TTC34: variants seen among roughly 807,000 people sequenced by gnomAD.
TTC34 encodes tetratricopeptide repeat domain 34.
A neutral mutation model predicts 40.7 loss-of-function variants in TTC34; 44 were observed. That is an observed-to-expected ratio of 1.08 (90% CI 0.85 to 1.39). TTC34 has a LOEUF of 1.39. TTC34 is among the 40% of genes most tolerant of loss of function. The probability of loss-of-function intolerance (pLI) is 0.00; values close to 1 mark genes in which losing one functional copy is unlikely to be tolerated. For missense variants in TTC34, 884 were observed against 838.0 expected, an observed-to-expected ratio of 1.05 and a Z score of -0.68; for synonymous variants, 422 against 398.6, an observed-to-expected ratio of 1.06 and a Z score of -0.70.
chr1:2,695,703 A>G (rs1395896778), intron 6 of TTC34, among the ~76,000 whole-genome samples: 19 of 135,764 alleles, frequency 1.4e-4, no homozygotes, highest in Non-Finnish European at 1.9e-4. Flanking sequence ...ACAGCCTGGA[A>G]CAGCACCCAC....
At chr1:2,800,270 C>A in exon 2 of TTC34, 1 of 398,634 alleles carries the variant, frequency 2.5e-6, no homozygotes, top group East Asian at 3.6e-5. Context: ...CACTGAGCAG[C>A]GCGGGGAGGT....
chr1:2,749,764 C>T (rs1227481760), intron 6 of TTC34, among the ~76,000 whole-genome samples: 2 of 71,804 alleles, frequency 2.8e-5, no homozygotes, highest in Non-Finnish European at 5.3e-5. Flanking sequence ...AGCTCCCACA[C>T]CCCCAGGCGA....
intron 6 of TTC34, among the ~76,000 whole-genome samples, chr1:2,685,743 G>A (rs1212119708): frequency 5.5e-5 from 8 of 146,782 alleles, no homozygotes; most frequent in Admixed American, 2.0e-4. Flanking sequence ...CTGATGGTCT[G>A]GAGCAGAACC....
Position 2,645,635 on chromosome 1 carries a change from A to G in TTC34, c.2227-72T>C, listed in dbSNP as rs1394105735. On this transcript the variant is annotated intron_variant, in intron 6 of 8. Transcript: ENST00000401095. The surrounding 1 kb of genome is among the most constrained non-coding windows in gnomAD (Gnocchi z 4.7). Reference sequence around the variant, plus strand: ...AAACTGGGCAGAGGGTCAGAGTAGGAGGACTGGCTCTGTCTTTCTCATTCC... The same window carrying G: ...AAACTGGGCAGAGGGTCAGAGTAGGGGGACTGGCTCTGTCTTTCTCATTCC... 73 of 1,386,970 alleles carry G rather than the reference A, an allele frequency of 5.3e-5. No homozygotes were observed. The highest frequency in any genetic ancestry group is 1.9e-6 in the Non-Finnish European group (2 of 1,061,254). The allele number at this position is 1,386,970 out of a possible 1,614,324, so 85.9% of individuals were successfully genotyped here. A position where few individuals can be genotyped will look rare whatever the true frequency, so the allele number is the denominator to read the frequency against.
At chr1:2,648,003 C>T (rs1459654333) in intron 6 of TTC34, among the ~76,000 whole-genome samples, 1 of 141,060 alleles carries the variant, frequency 7.1e-6, no homozygotes, top group Non-Finnish European at 1.6e-5. Flanking sequence ...TTGATTATTA[C>T]TGTTTTTTTT....
chr1:2,687,394 C>G (rs1483199891), intron 6 of TTC34, among the ~76,000 whole-genome samples: 4 of 145,440 alleles, frequency 2.8e-5, no homozygotes, highest in Admixed American at 2.1e-4. Flanking sequence ...CAGCCTGGAA[C>G]GGCACCCACA....
At chr1:2,795,979 G>T (rs1036111777) in intron 2 of TTC34, among the ~76,000 whole-genome samples, 2 of 152,202 alleles carry the variant, frequency 1.3e-5, no homozygotes, top group Non-Finnish European at 2.9e-5. Flanking sequence ...TAATGGTATT[G>T]ACAGGTCAGA....
At chr1:2,648,443 C>T (rs1639061968) in intron 6 of TTC34, among the ~76,000 whole-genome samples, 1 of 152,184 alleles carries the variant, frequency 6.6e-6, no homozygotes, top group Non-Finnish European at 1.5e-5. Flanking sequence ...ACTGAATGCC[C>T]AAGATGTTCA....
At position 2,799,159 on chromosome 1, in the gene TTC34, C is replaced by G. The variant is rs181857656; in HGVS notation, c.784+885G>C. Among the ~76,000 whole-genome samples, 257 of 152,072 alleles carry G rather than the reference C, an allele frequency of 1.7e-3. 1 individual carries two copies. The highest frequency in any genetic ancestry group is 5.8e-3 in the African/African-American group (242 of 41,432). On this transcript the variant is annotated intron_variant, in intron 2 of 8. Coordinates refer to ENST00000401095, the Ensembl canonical transcript of TTC34. ...CCTCCCAGCCTCCTAGCCTCCCGGC[C>G]CCCCAGCCTCCCAGCCTCCCAGCAG...
chr1:2,781,987 T>C (rs1030436976), intron 6 of TTC34, among the ~76,000 whole-genome samples: 1 of 152,226 alleles, frequency 6.6e-6, no homozygotes, highest in Non-Finnish European at 1.5e-5. Flanking sequence ...GTAGTGTCTT[T>C]GGCTATGGTA....
intron 6 of TTC34, among the ~76,000 whole-genome samples, chr1:2,687,056 A>G (rs1304475471): frequency 8.2e-4 from 118 of 143,670 alleles, no homozygotes; most frequent in Admixed American, 1.4e-3. Flanking sequence ...CCAGGCGTGC[A>G]TCCGACAGCC....
chr1:2,641,164 G>C, exon 9 of TTC34: 1 of 421,318 alleles, frequency 2.4e-6, no homozygotes, highest in Non-Finnish European at 4.0e-6. Flanking sequence ...GGGAGGGTGG[G>C]AAGGGGGGCT....
intron 2 of TTC34, among the ~76,000 whole-genome samples, chr1:2,792,948 C>T (rs1161934592): frequency 6.6e-6 from 1 of 152,232 alleles, no homozygotes; most frequent in Non-Finnish European, 1.5e-5. Context: ...TTTCTGCCTG[C>T]ATGTGGTTAC....
chr1:2,683,982 C>T (rs1209519926), intron 6 of TTC34, among the ~76,000 whole-genome samples: 42 of 120,688 alleles, frequency 3.5e-4, no homozygotes, highest in African/African-American at 1.2e-3. Context: ...CAGCCTGGAG[C>T]AGCATCCTGC....
intron 6 of TTC34, among the ~76,000 whole-genome samples, chr1:2,750,722 C>G (rs1292069959): frequency 8.4e-4 from 102 of 121,256 alleles, no homozygotes; most frequent in African/African-American, 2.9e-3. Context: ...GAGCAGCACC[C>G]ACACCCCCAG....
At chr1:2,790,940 G>A (rs1643656050) in intron 2 of TTC34, among the ~76,000 whole-genome samples, 1 of 152,172 alleles carries the variant, frequency 6.6e-6, no homozygotes, top group South Asian at 2.1e-4. Context: ...GGGTGGACCT[G>A]GGCATTTACG....
rs1397371428 is a variant in TTC34, at chr1:2,755,684, C to T, written c.2226+27925G>A. Among the ~76,000 whole-genome samples the T allele has an allele frequency of 5.0e-3, 431 of 86,972 alleles. 1 individual carries two copies. The highest frequency in any genetic ancestry group is 0.01 in the Admixed American group (79 of 7,828). 57.1% of individuals were successfully genotyped at this position (86,972 alleles called of 152,430 possible). A position where few individuals can be genotyped will look rare whatever the true frequency, so the allele number is the denominator to read the frequency against. On this transcript the variant is annotated intron_variant, in intron 6 of 8. Transcript: ENST00000401095. ...ACAACCACAGGTGAGCATCTGACATCGTGGAGCAGCACCCCAAACCCACAG... is the reference window on the plus strand; with the variant it reads ...ACAACCACAGGTGAGCATCTGACATTGTGGAGCAGCACCCCAAACCCACAG...
intron 6 of TTC34, among the ~76,000 whole-genome samples, chr1:2,657,410 A>T (rs558972333): frequency 2.2e-5 from 2 of 89,490 alleles, no homozygotes; most frequent in East Asian, 2.5e-4. Flanking sequence ...CTCCCGGAGC[A>T]GTACCAGTAC....
chr1:2,641,160 G>GC, exon 9 of TTC34: 1 of 398,584 alleles, frequency 2.5e-6, no homozygotes, highest in Non-Finnish European at 4.2e-6. Context: ...TGTGGGGAGG[G>GC]TGGGAAGGGG....
Sources: allele counts gnomAD v4.1 joint callset (sites outside exome capture counted in the v4.1 genomes callset), GRCh38; gene constraint gnomAD v4.1.1; non-coding constraint Gnocchi (gnomAD v3.1); transcripts MANE v1.5; gene names NCBI Gene and HGNC (gene_info 2026-07-23, HGNC 2026-07-21).